Variants in LIPG observed in about 807,000 individuals in gnomAD.
The protein encoded by LIPG is endothelial lipase.
LIPG carries 34 observed loss-of-function variants against 51.8 expected under a neutral mutation model. The ratio of observed to expected loss-of-function variants is 0.66; its 90% CI spans 0.50 to 0.87. The LOEUF (loss-of-function observed/expected upper bound fraction) is 0.87, where lower values mean the gene tolerates loss of function less well. Ranked by LOEUF, LIPG falls within the 40% of genes least tolerant of loss-of-function variation. The pLI, the probability that LIPG is intolerant of heterozygous loss-of-function variation, is 0.00. For synonymous variants in LIPG, 246 were observed against 246.1 expected (o/e 1.00, Z 0.00); for missense variants, 580 against 652.7 (o/e 0.89, Z 1.21).
In LIPG at chr18:49,567,618, G is replaced by A. The variant is rs768042561; in HGVS notation, c.456G>A (p.Leu152=). The A allele has an allele frequency of 5.6e-6, 9 of 1,613,726 alleles. No homozygotes were observed. Among genetic ancestry groups the A allele is most frequent in the Admixed American group, 1.7e-5 (1 of 59,990 alleles). ...GHSIARMLDW[L]QEKDDFSLGN... ...GCATTGCCAGGATGCTCGACTGGCT[G>A]CAGGTACTGGGGGATGAGAGGGAGT... Residue 152 remains leucine, a synonymous_variant, in exon 3 of 10, where the codon CTG becomes CTA. Coordinates refer to ENST00000261292, the MANE Select transcript of LIPG (RefSeq NM_006033.4).
chr18:49,581,758 C>T, intron 6 of LIPG, 101 bp downstream of exon 6: 7 of 1,380,520 alleles, frequency 5.1e-6, no homozygotes, highest in Non-Finnish European at 6.1e-6. Context: ...GGAGAAGTGG[C>T]CAGCACAATC....
rs765192911 is a variant in LIPG, at chr18:49,565,342, A to G, written c.123A>G (p.Thr41=). 1.9e-6 allele frequency: 3 copies of G among 1,614,178 alleles called. No individual in the cohort carries two copies. Among genetic ancestry groups the G allele is most frequent in the Non-Finnish European group, 2.5e-6 (3 of 1,180,036 alleles). The part of the protein sequence containing the change: ...LEDKLHKPKA[T]QTEVKPSVRF... ...ATAAGCTCCACAAACCCAAAGCTAC[A>G]CAGACTGAGGTCAAACCATCTGTGA... Residue 41 remains threonine, a synonymous_variant, in exon 2 of 10, where the codon ACA becomes ACG. Coordinates refer to ENST00000261292, the MANE Select transcript of LIPG (RefSeq NM_006033.4).
At position 49,581,576 on chromosome 18, in the gene LIPG, A is replaced by T; in HGVS notation, c.955A>T (p.Ile319Phe). ...LSCRKNRCNS[I>F]GYNAKKMRNK... is the part of the protein sequence containing the mutation. ...CTGCCGCAAGAACCGTTGTAATAGC[A>T]TTGGCTACAATGCCAAGAAAATGAG... The change falls in exon 6 of 10, where the codon ATT becomes TTT. Residue 319 changes from isoleucine to phenylalanine, a missense_variant. Transcript: ENST00000261292. 5 of 1,614,242 alleles carry T rather than the reference A, an allele frequency of 3.1e-6. No individual in the cohort carries two copies. The highest frequency in any genetic ancestry group is 1.1e-5 in the South Asian group (1 of 91,084).
intron 9 of LIPG, among the ~76,000 whole-genome samples, chr18:49,587,113 A>AT (rs1380347657): frequency 6.6e-6 from 1 of 151,318 alleles, no homozygotes; most frequent in East Asian, 1.9e-4. Context: ...TACTAAAAAA[A>AT]AAAAAAAAAA....
chr18:49,569,881 T>G (rs1293367251), intron 4 of LIPG, among the ~76,000 whole-genome samples: 1 of 152,058 alleles, frequency 6.6e-6, no homozygotes, highest in Admixed American at 6.6e-5. Context: ...GGAACACAGT[T>G]TGAAAACCAT....
At chr18:49,590,097 C>G (rs558839896) in intron 9 of LIPG, 56 of 336,088 alleles carry the variant, frequency 1.7e-4, no homozygotes, top group Non-Finnish European at 3.1e-4. Context: ...TCTGCCAATA[C>G]AGTGTCTCTC....
rs913103863 is a variant in LIPG at position 49,595,155 on chromosome 18, G to A, written c.*4633G>A. 1 of 152,216 alleles carries A rather than the reference G, an allele frequency of 6.6e-6. No homozygotes were observed. The highest frequency in any genetic ancestry group is 1.5e-5 in the Non-Finnish European group (1 of 68,048). The allele number at this position is 152,216 out of a possible 1,614,324, so 9.4% of individuals were successfully genotyped here. ...AGAGCTACCCTGAGCCCTCTGCCAT[G>A]TAAGCTCTCTGATGGCACAGATTTT... On this transcript the variant is annotated 3_prime_UTR_variant, in exon 10 of 10. Transcript: ENST00000261292.
Position 49,595,471 on chromosome 18 carries a change from T to C in LIPG, c.*4949T>C, listed in dbSNP as rs1483713194. 6.6e-6 allele frequency: 1 copy of C among 152,090 alleles called. No individual in the cohort carries two copies. Among genetic ancestry groups the C allele is most frequent in the Admixed American group, 6.5e-5 (1 of 15,268 alleles). The allele number at this position is 152,090 out of a possible 1,614,324, so 9.4% of individuals were successfully genotyped here. A position where few individuals can be genotyped will look rare whatever the true frequency, so the allele number is the denominator to read the frequency against. ...GGTTGTTGTGAATGTTAAAGGTACATGGTAAAAAAGAAAGTATTTGTGTTT... is the reference window on the plus strand; with the variant it reads ...GGTTGTTGTGAATGTTAAAGGTACACGGTAAAAAAGAAAGTATTTGTGTTT... On this transcript the variant is annotated 3_prime_UTR_variant, in exon 10 of 10. Transcript: ENST00000261292.
In LIPG at chr18:49,575,456, A is replaced by G. The variant is rs746271238; in HGVS notation, c.659A>G (p.His220Arg). ...PDDADFVDVLHTYTRSFGLSI... is the reference protein window; with the variant it reads ...PDDADFVDVLRTYTRSFGLSI... ...GATGCAGATTTTGTGGATGTCCTCCACACCTACACGCGTTCCTTCGGCTTG... is the reference window on the plus strand; with the variant it reads ...GATGCAGATTTTGTGGATGTCCTCCGCACCTACACGCGTTCCTTCGGCTTG... The change falls in exon 5 of 10, where the codon CAC (histidine) becomes CGC (arginine). Residue 220 changes from histidine (H) to arginine (R), a missense_variant. His to Arg is a conservative substitution (Grantham distance 29, BLOSUM62 0). Coordinates refer to ENST00000261292, the MANE Select transcript of LIPG (RefSeq NM_006033.4). 3 of 1,614,218 alleles carry G rather than the reference A, an allele frequency of 1.9e-6. No homozygotes were observed. The highest frequency in any genetic ancestry group is 2.5e-6 in the Non-Finnish European group (3 of 1,180,040).
intron 4 of LIPG, among the ~76,000 whole-genome samples, chr18:49,574,572 C>T (rs539098735): frequency 1.7e-4 from 26 of 152,326 alleles, no homozygotes; most frequent in African/African-American, 2.9e-4. Context: ...TCTCCCCCAA[C>T]GCACACGCAT....
chr18:49,574,217 T>TC, intron 4 of LIPG, among the ~76,000 whole-genome samples: 1 of 152,332 alleles, frequency 6.6e-6, no homozygotes, highest in Middle Eastern at 3.4e-3. Context: ...GGCTTGGTAA[T>TC]AGTAGCTAAT....
At chr18:49,576,212 A>G (rs576390797) in intron 5 of LIPG, among the ~76,000 whole-genome samples, 9 of 152,158 alleles carry the variant, frequency 5.9e-5, no homozygotes, top group African/African-American at 2.2e-4. Flanking sequence ...GACTTGAATA[A>G]AGCAAAAGTG....
At chr18:49,587,690 C>T (rs2084898388) in intron 9 of LIPG, among the ~76,000 whole-genome samples, 1 of 151,864 alleles carries the variant, frequency 6.6e-6, no homozygotes, top group South Asian at 2.1e-4. Context: ...TGTCCTGCCT[C>T]AACCTGTAGG....
chr18:49,565,632 A>G lies in LIPG; in HGVS notation c.279+134A>G. The stretch of plus-strand genomic sequence containing the variant: ...TTTCCTTGTGGGCTGCTTGTATTTC[A>G]GACAGCTGTGAAGAATGTAACGGGC... On this transcript the variant is annotated intron_variant, in intron 2 of 9. Transcript: ENST00000261292. 4 of 1,009,208 alleles carry G rather than the reference A, an allele frequency of 4.0e-6. No homozygotes were observed. In the South Asian group the frequency reaches 4.1e-5, roughly 10 times the overall value. The allele number at this position is 1,009,208 out of a possible 1,614,324, so 62.5% of individuals were successfully genotyped here.
chr18:49,569,844 A>G (rs2084645264), intron 4 of LIPG, among the ~76,000 whole-genome samples: 1 of 152,052 alleles, frequency 6.6e-6, no homozygotes, highest in Non-Finnish European at 1.5e-5. Context: ...CCTTCCCTAT[A>G]GGCATCTCAG....
chr18:49,590,205 G>GTGTGTA (rs1249290771), intron 9 of LIPG: 10 of 490,796 alleles, frequency 2.0e-5, no homozygotes, highest in South Asian at 1.8e-4. Flanking sequence ...GTGTGTGTGT[G>GTGTGTA]TGTATGTTGT....
chr18:49,586,420 G>A (rs1036187989), intron 8 of LIPG, among the ~76,000 whole-genome samples: 2 of 152,196 alleles, frequency 1.3e-5, no homozygotes, highest in Non-Finnish European at 2.9e-5. Context: ...AAGGCCAAGG[G>A]AGGGTTAGGT....
chr18:49,583,370 T>C (rs2084844570), intron 7 of LIPG, among the ~76,000 whole-genome samples, 186 bp from the exon 8 acceptor site: 1 of 152,122 alleles, frequency 6.6e-6, no homozygotes, highest in Admixed American at 6.5e-5. Context: ...GTTTGGCCCA[T>C]ATGGAGTACA....
intron 8 of LIPG, among the ~76,000 whole-genome samples, chr18:49,586,130 T>A (rs931776785): frequency 1.3e-5 from 2 of 152,176 alleles, no homozygotes; most frequent in African/African-American, 2.4e-5. Context: ...GCCCTGATTC[T>A]TTCTTGTGGT....
Sources: allele counts gnomAD v4.1 joint callset (sites outside exome capture counted in the v4.1 genomes callset), GRCh38; gene constraint gnomAD v4.1.1; transcripts MANE v1.5; gene names NCBI Gene and HGNC (gene_info 2026-07-23, HGNC 2026-07-21).